Variants in PCDH15 observed in about 807,000 individuals in gnomAD.
PCDH15 encodes the protein protocadherin-15.
A neutral mutation model predicts 178.5 loss-of-function variants in PCDH15; 129 were observed. The ratio of observed to expected loss-of-function variants is 0.72; its 90% CI spans 0.63 to 0.84. PCDH15 has a LOEUF of 0.84. Ranked by LOEUF, PCDH15 falls within the 40% of genes least tolerant of loss-of-function variation. PCDH15 has a pLI of 0.00. For synonymous variants in PCDH15, 800 were observed against 732.0 expected, an observed-to-expected ratio of 1.09 and a Z score of -1.50; for missense variants, 2,230 against 2,099.9, an observed-to-expected ratio of 1.06 and a Z score of -1.21.
At chr10:54,797,359 C>T (rs968711311) in intron 1 of PCDH15, among the ~76,000 whole-genome samples, 1 of 151,960 alleles carries the variant, frequency 6.6e-6, no homozygotes, top group African/African-American at 2.4e-5. Context: ...TTGCCTCTTA[C>T]ATTTATAGCT....
chr10:54,597,459 G>A (rs138811242), intron 2 of PCDH15, among the ~76,000 whole-genome samples: 7 of 152,022 alleles, frequency 4.6e-5, no homozygotes, highest in Non-Finnish European at 1.0e-4. Context: ...TGTTGAGAGG[G>A]AAATTCATAG....
intron 9 of PCDH15, among the ~76,000 whole-genome samples, chr10:54,219,990 G>T (rs116019685): frequency 0.023 from 3,488 of 152,036 alleles, 57 homozygotes; most frequent in Middle Eastern, 0.071. Flanking sequence ...GATGCCAAAT[G>T]GTGATTTTAT....
rs545087790 is a variant in PCDH15, at chr10:55,190,291, A to C, written c.-155-23640T>G. Reference sequence around the variant, plus strand: ...AAAAAAAAACTTCTGCTGTCATAGAAACTTTAATATATTGATCCCAGTAGT... The same window carrying C: ...AAAAAAAAACTTCTGCTGTCATAGACACTTTAATATATTGATCCCAGTAGT... On this transcript the variant is annotated intron_variant, in intron 1 of 5. Transcript: ENST00000458638. Among the ~76,000 whole-genome samples, 4 of 151,832 alleles carry C rather than the reference A, an allele frequency of 2.6e-5. No individual in the cohort carries two copies. In the South Asian group the frequency reaches 8.3e-4, roughly 31 times the overall value.
chr10:54,718,406 A>G (rs2095506973), intron 1 of PCDH15, among the ~76,000 whole-genome samples: 1 of 152,086 alleles, frequency 6.6e-6, no homozygotes, highest in African/African-American at 2.4e-5. Flanking sequence ...GTGCATTGCT[A>G]CTAAAAATAA....
intron 2 of PCDH15, among the ~76,000 whole-genome samples, chr10:54,557,667 G>C (rs530597170): frequency 6.6e-6 from 1 of 152,094 alleles, no homozygotes; most frequent in South Asian, 2.1e-4. Flanking sequence ...ATAGCAGTAC[G>C]AGAAATAATA....
intron 32 of PCDH15, chr10:53,822,701 T>G: frequency 1.9e-6 from 3 of 1,614,094 alleles, no homozygotes; most frequent in Non-Finnish European, 2.5e-6. Flanking sequence ...TTGAAACAGT[T>G]GGCAAAGTGG....
chr10:54,409,741 G>A (rs1286680038), intron 3 of PCDH15, among the ~76,000 whole-genome samples: 18 of 152,030 alleles, frequency 1.2e-4, no homozygotes, highest in Admixed American at 1.2e-3. Context: ...TTGGAGGTGG[G>A]GCCTTTGGAG....
chr10:55,256,807 A>G (rs1250321873), intron 1 of PCDH15, among the ~76,000 whole-genome samples: 14 of 152,206 alleles, frequency 9.2e-5, no homozygotes, highest in Admixed American at 8.5e-4. Flanking sequence ...GGCAGGGCAT[A>G]GCCAAACAAA....
chr10:55,268,772 A>G (rs1842365594), intron 1 of PCDH15, among the ~76,000 whole-genome samples: 1 of 152,172 alleles, frequency 6.6e-6, no homozygotes, highest in Non-Finnish European at 1.5e-5. Context: ...AAACCTAGCC[A>G]TCTCTGGAAA....
chr10:53,916,401 A>C (rs2083532351), intron 25 of PCDH15, among the ~76,000 whole-genome samples: 1 of 151,402 alleles, frequency 6.6e-6, no homozygotes, highest in Non-Finnish European at 1.5e-5. Context: ...GTAATCACCA[A>C]AATAGGAGTT....
chr10:54,221,754 C>G (rs776836855), intron 9 of PCDH15, among the ~76,000 whole-genome samples: 2 of 152,112 alleles, frequency 1.3e-5, no homozygotes, highest in Non-Finnish European at 2.9e-5. Context: ...AGGTGCCCAC[C>G]ACCACGCCCA....
At chr10:54,268,866 A>G (rs2057869328) in intron 8 of PCDH15, among the ~76,000 whole-genome samples, 1 of 151,948 alleles carries the variant, frequency 6.6e-6, no homozygotes, top group African/African-American at 2.4e-5. Flanking sequence ...TTTTTCAATA[A>G]CTATCAGACG....
intron 7 of PCDH15, among the ~76,000 whole-genome samples, chr10:54,328,597 G>A (rs1016731640): frequency 1.3e-5 from 2 of 152,002 alleles, no homozygotes; most frequent in Non-Finnish European, 2.9e-5. Flanking sequence ...AGGAGATGTT[G>A]GATGGGAGAA....
At position 53,903,317 on chromosome 10, in the gene PCDH15, C is replaced by A. The variant is rs2082449354; in HGVS notation, c.3427G>T (p.Val1143Leu). The A allele has an allele frequency of 6.2e-7, 1 of 1,612,998 alleles. No homozygotes were observed. Among genetic ancestry groups the A allele is most frequent in the African/African-American group, 1.3e-5 (1 of 74,870 alleles). Residue 1143 changes from valine to leucine, a missense_variant, in exon 26 of 38, where the codon GTG becomes TTG. Physicochemically the swap from Val to Leu is conservative, Grantham distance 32. Transcript: ENST00000644397. ...EIQDENNHPPVFQKKFYIGGV... is the reference protein window; with the variant it reads ...EIQDENNHPPLFQKKFYIGGV... ...CCGATGTAGAATTTTTTCTGAAACA[C>A]TGGGGGATGATTATTTTCATCCTGA...
chr10:55,490,908 A>T (rs1840398500), intron 2 of PCDH15, among the ~76,000 whole-genome samples: 1 of 151,800 alleles, frequency 6.6e-6, no homozygotes, highest in African/African-American at 2.4e-5. Flanking sequence ...TACATATTAC[A>T]TTCAGAGGAA....
At chr10:54,752,506 CAAA>C (rs1249514541) in intron 1 of PCDH15, among the ~76,000 whole-genome samples, 12 of 53,240 alleles carry the variant, frequency 2.3e-4, no homozygotes, top group African/African-American at 6.0e-4. Context: ...AAACAAAAAA[CAAA>C]AAACAAACAA....
intron 23 of PCDH15, among the ~76,000 whole-genome samples, chr10:53,942,831 T>C (rs1199174823): frequency 1.3e-5 from 2 of 152,204 alleles, no homozygotes; most frequent in African/African-American, 4.8e-5. Flanking sequence ...TCCTGACCTA[T>C]AGGAAATTCA....
Position 54,924,073 on chromosome 10 carries a change from T to C in PCDH15, c.-79-26573A>G, listed in dbSNP as rs1471775358. 3.6e-5 allele frequency among the ~76,000 whole-genome samples: 5 copies of C among 138,264 alleles called. 1 individual carries two copies. The highest frequency in any genetic ancestry group is 8.4e-5 in the Non-Finnish European group (5 of 59,448). 90.7% of individuals were successfully genotyped at this position (138,264 alleles called of 152,430 possible). On this transcript the variant is annotated intron_variant, in intron 2 of 5. Transcript: ENST00000458638. ...ATATCTACAAGCTGTTCAGGTGACA[T>C]GGCTGTGGAGGCCATAGGAAACTTA... is the stretch of plus-strand genomic sequence containing the variant.
chr10:54,039,728 T>C (rs997080195), intron 18 of PCDH15, among the ~76,000 whole-genome samples: 8 of 151,996 alleles, frequency 5.3e-5, no homozygotes, highest in African/African-American at 9.7e-5. Context: ...GCTGCTAAAA[T>C]TGAGGAAAAC....
Sources: gnomAD v4.1 joint callset for allele counts (sites outside exome capture counted in the v4.1 genomes callset) on GRCh38, gnomAD v4.1.1 for gene constraint, MANE v1.5 for transcripts, NCBI Gene and HGNC (gene_info 2026-07-23, HGNC 2026-07-21) for gene names.